Variants in SORCS1 observed in about 807,000 individuals in gnomAD.
SORCS1 encodes the protein VPS10 domain-containing receptor SorCS1.
SORCS1 carries 60 observed loss-of-function variants against 146.1 expected under a neutral mutation model. That is an observed-to-expected ratio of 0.41 (90% CI 0.33 to 0.51). The LOEUF (loss-of-function observed/expected upper bound fraction) is 0.51, where lower values mean the gene tolerates loss of function less well. Ranked by LOEUF, SORCS1 falls within the 20% of genes least tolerant of loss-of-function variation. The pLI is 0.21. For missense variants in SORCS1, 1,352 were observed against 1,487.6 expected, an observed-to-expected ratio of 0.91 and a Z score of 1.50; for synonymous variants, 637 against 584.0, an observed-to-expected ratio of 1.09 and a Z score of -1.31.
chr10:107,003,429 A>AGAGTGT (rs1491539575), intron 1 of SORCS1, among the ~76,000 whole-genome samples: 1 of 140,436 alleles, frequency 7.1e-6, no homozygotes, highest in East Asian at 2.2e-4. Flanking sequence ...AATTCCCATA[A>AGAGTGT]GTGTGTGTGT....
chr10:106,832,449 G>A (rs1419087377), intron 2 of SORCS1, among the ~76,000 whole-genome samples: 2 of 151,974 alleles, frequency 1.3e-5, no homozygotes, highest in African/African-American at 4.8e-5. Flanking sequence ...TCAAACTCTC[G>A]AAGTTCTGGG....
chr10:106,906,340 C>G (rs146588383), intron 2 of SORCS1, among the ~76,000 whole-genome samples: 277 of 152,324 alleles, frequency 1.8e-3, no homozygotes, highest in African/African-American at 6.0e-3. Flanking sequence ...TCTTGAACTC[C>G]TGACCTCAGG....
In SORCS1 at chr10:107,121,503, C is replaced by T. The variant is rs74328216; in HGVS notation, c.558+42466G>A. Among the ~76,000 whole-genome samples the T allele has an allele frequency of 3.0e-3, 461 of 152,024 alleles. 3 individuals are homozygous for T. The highest frequency in any genetic ancestry group is 0.011 in the African/African-American group (445 of 41,464). The stretch of plus-strand genomic sequence containing the variant: ...TTAAGTTGTTTAAAGGAAAGTACAA[C>T]AAAGAAGGCTAGATGATGCCTGTTA... On this transcript the variant is annotated intron_variant, in intron 1 of 25. Transcript: ENST00000263054.
At chr10:106,904,609 C>T (rs556216098) in intron 2 of SORCS1, among the ~76,000 whole-genome samples, 7 of 152,286 alleles carry the variant, frequency 4.6e-5, no homozygotes, top group East Asian at 1.9e-4. Flanking sequence ...TTTGGACAAA[C>T]GCACAAAGTC....
chr10:106,607,441 G>T, intron 22 of SORCS1, 144 bp from the exon 23 acceptor site: 1 of 1,106,806 alleles, frequency 9.0e-7, no homozygotes, highest in Non-Finnish European at 1.3e-6. Context: ...CAGGCAGGGA[G>T]TATGTGAGAG....
intron 3 of SORCS1, among the ~76,000 whole-genome samples, chr10:106,817,196 C>T (rs1469902912): frequency 6.6e-6 from 1 of 152,082 alleles, no homozygotes; most frequent in Non-Finnish European, 1.5e-5. Flanking sequence ...ACAAGTTCAG[C>T]TGTTTTCCTG....
intron 1 of SORCS1, among the ~76,000 whole-genome samples, chr10:107,017,872 G>T (rs1463004783): frequency 2.6e-5 from 4 of 152,010 alleles, no homozygotes; most frequent in African/African-American, 9.7e-5. Flanking sequence ...CACCATGTTA[G>T]TCAGGCTAGT....
chr10:106,678,073 C>A (rs1360176130), intron 12 of SORCS1, among the ~76,000 whole-genome samples: 1 of 152,150 alleles, frequency 6.6e-6, no homozygotes, highest in Non-Finnish European at 1.5e-5. Flanking sequence ...TGGAAACAAT[C>A]TCTAGATCCT....
chr10:106,679,567 C>T, intron 11 of SORCS1, 65 bp downstream of exon 11: 1 of 1,344,392 alleles, frequency 7.4e-7, no homozygotes, highest in Non-Finnish European at 1.0e-6. Context: ...CTTCCAAGTA[C>T]AGATATCTAG....
At chr10:106,783,834 G>A (rs115918766) in intron 3 of SORCS1, among the ~76,000 whole-genome samples, 1,572 of 152,218 alleles carry the variant, frequency 0.01, 25 homozygotes, top group African/African-American at 0.035. Flanking sequence ...AGGATAATAG[G>A]AATGGGCAAA....
At chr10:107,115,663 T>C (rs1012012857) in intron 1 of SORCS1, among the ~76,000 whole-genome samples, 3 of 152,040 alleles carry the variant, frequency 2.0e-5, no homozygotes, top group African/African-American at 7.2e-5. Flanking sequence ...AAACATAGTT[T>C]AAAAGCTCCC....
At chr10:106,761,738 T>C (rs1424277156) in intron 4 of SORCS1, 77 bp from the exon 5 acceptor site, 6 of 1,199,382 alleles carry the variant, frequency 5.0e-6, no homozygotes, top group African/African-American at 1.5e-5. Context: ...ATTGGATCAA[T>C]AGTAATAATA....
At chr10:106,805,586 A>T (rs551499890) in intron 3 of SORCS1, among the ~76,000 whole-genome samples, 3 of 152,298 alleles carry the variant, frequency 2.0e-5, no homozygotes, top group African/African-American at 7.2e-5. Flanking sequence ...TGCCAGGAAG[A>T]TGAGACAAGT....
intron 2 of SORCS1, among the ~76,000 whole-genome samples, chr10:106,869,870 G>C (rs956856107): frequency 1.4e-4 from 21 of 152,112 alleles, no homozygotes; most frequent in African/African-American, 5.1e-4. Context: ...AGAAACAGAG[G>C]GCATCCAAAT....
chr10:107,104,258 T>C (rs1465843689), intron 1 of SORCS1, among the ~76,000 whole-genome samples: 1 of 152,206 alleles, frequency 6.6e-6, no homozygotes, highest in Non-Finnish European at 1.5e-5. Flanking sequence ...TGGGTTATAT[T>C]CAAGCAAATT....
At chr10:107,005,851 CTAACTA>C (rs1450338687) in intron 1 of SORCS1, among the ~76,000 whole-genome samples, 4 of 152,048 alleles carry the variant, frequency 2.6e-5, no homozygotes, top group African/African-American at 4.8e-5. Flanking sequence ...TTGTTGACAC[CTAACTA>C]TAACTATCCA....
At chr10:107,161,168 G>A (rs1969674074) in intron 1 of SORCS1, among the ~76,000 whole-genome samples, 1 of 152,178 alleles carries the variant, frequency 6.6e-6, no homozygotes, top group South Asian at 2.1e-4. Context: ...AGGGAAGGAG[G>A]TGAGTGAACC....
At chr10:107,077,307 AT>A (rs1962974006) in intron 1 of SORCS1, among the ~76,000 whole-genome samples, 1 of 152,154 alleles carries the variant, frequency 6.6e-6, no homozygotes, top group Non-Finnish European at 1.5e-5. Context: ...TAGATGACAT[AT>A]TTAAGGTTAC....
chr10:106,836,037 A>G (rs1053186324), intron 2 of SORCS1, among the ~76,000 whole-genome samples: 4 of 151,966 alleles, frequency 2.6e-5, no homozygotes, highest in South Asian at 2.1e-4. Flanking sequence ...AGACAACATC[A>G]TAACAACGAA....
Sources: gnomAD v4.1 joint callset for allele counts (sites outside exome capture counted in the v4.1 genomes callset) on GRCh38, gnomAD v4.1.1 for gene constraint, MANE v1.5 for transcripts, NCBI Gene and HGNC (gene_info 2026-07-23, HGNC 2026-07-21) for gene names.